Variants in CHST8 observed in about 807,000 individuals in gnomAD.
The protein encoded by CHST8 is carbohydrate sulfotransferase 8, also known as GALNAC-4-ST1.
A neutral mutation model predicts 15.0 loss-of-function variants in CHST8; 10 were observed. The ratio of observed to expected loss-of-function variants is 0.67; its 90% confidence interval spans 0.41 to 1.13. CHST8 has a LOEUF of 1.13. Ranked by LOEUF, CHST8 falls within the 50% of genes most tolerant of loss-of-function variation. The pLI, the probability that CHST8 is intolerant of heterozygous loss-of-function variation, is 0.00. For synonymous variants in CHST8, 259 were observed against 256.6 expected, an observed-to-expected ratio of 1.01 and a Z score of -0.09; for missense variants, 634 against 608.2, an observed-to-expected ratio of 1.04 and a Z score of -0.45.
rs111718183 is a variant in CHST8 at position 33,723,346 on chromosome 19, T to C, written c.130+33955T>C. ...TGCACAGGCACCTAGGAGCATATGT[T>C]TGACCATTTGTGTGTGCACGCGTGT... On this transcript the variant is annotated intron_variant, in intron 3 of 4. Coordinates refer to ENST00000650847, the MANE Select transcript of CHST8 (RefSeq NM_001127895.2). 3.4e-3 allele frequency among the ~76,000 whole-genome samples: 523 copies of C among 152,338 alleles called. 4 individuals are homozygous for C. The highest frequency in any genetic ancestry group is 0.012 in the African/African-American group (506 of 41,586).
rs947271860 is a variant in CHST8, at chr19:33,673,028, G to A, written c.-87+5185G>A. 7.2e-5 allele frequency among the ~76,000 whole-genome samples: 11 copies of A among 152,152 alleles called. No homozygotes were observed. In the East Asian group the frequency reaches 1.5e-3, roughly 21 times the overall value. ...TCCTCAGAAGGGGAGACACTTCCTG[G>A]GTTTGCAATCACCTCCAGTTTATGT... is the stretch of plus-strand genomic sequence containing the variant. On this transcript the variant is annotated intron_variant, in intron 2 of 4. Transcript: ENST00000650847.
intron 3 of CHST8, among the ~76,000 whole-genome samples, chr19:33,762,608 T>A (rs1319450818): frequency 6.6e-6 from 1 of 152,254 alleles, no homozygotes; most frequent in South Asian, 2.1e-4. Flanking sequence ...GGAGCTGCGC[T>A]GCGGGAGATT....
intron 1 of CHST8, among the ~76,000 whole-genome samples, chr19:33,641,901 G>A (rs945785367): frequency 1.7e-4 from 26 of 152,186 alleles, no homozygotes; most frequent in African/African-American, 6.3e-4. Context: ...CTGAAGTCTG[G>A]AGACTAATTC....
At chr19:33,623,392 C>T (rs1972011316) in intron 1 of CHST8, among the ~76,000 whole-genome samples, 1 of 152,212 alleles carries the variant, frequency 6.6e-6, no homozygotes, top group Non-Finnish European at 1.5e-5. Context: ...GCGTCCCGGC[C>T]CCTCTCCATC....
rs181062701 is a variant in CHST8, at chr19:33,644,605, G to A, written c.-164+22309G>A. ...ATTTTTTTTTAATTAGCCAGGCATG[G>A]TGGTGTGCACTTGTAGTCCCAGCAA... On this transcript the variant is annotated intron_variant, in intron 1 of 4. Transcript: ENST00000650847. Among the ~76,000 whole-genome samples, 612 of 152,222 alleles carry A rather than the reference G, an allele frequency of 4.0e-3. 3 individuals carry two copies. The highest frequency in any genetic ancestry group is 0.014 in the African/African-American group (591 of 41,522).
chr19:33,649,090 G>A (rs1026091538), intron 1 of CHST8, among the ~76,000 whole-genome samples: 3 of 151,834 alleles, frequency 2.0e-5, no homozygotes, highest in Admixed American at 1.3e-4. Context: ...TTTTATTAGA[G>A]ACAGGGTTTC....
intron 3 of CHST8, among the ~76,000 whole-genome samples, chr19:33,764,841 C>G (rs756366830): frequency 6.6e-6 from 1 of 151,970 alleles, no homozygotes; most frequent in East Asian, 1.9e-4. Context: ...TCCTTCACCC[C>G]CTTCCCACCC....
chr19:33,765,070 A>ATATATATATATATATG (rs71181381), intron 3 of CHST8, among the ~76,000 whole-genome samples: 18 of 113,200 alleles, frequency 1.6e-4, no homozygotes, highest in South Asian at 1.2e-3. Flanking sequence ...ATATATATAT[A>ATATATATATATATATG]TATCAGAGTT....
At chr19:33,661,485 C>T (rs1972583836) in intron 1 of CHST8, among the ~76,000 whole-genome samples, 1 of 152,186 alleles carries the variant, frequency 6.6e-6, no homozygotes. Flanking sequence ...AGCAAAGCTC[C>T]GCACTCACGG....
chr19:33,751,855 C>A (rs1974427400), intron 3 of CHST8, among the ~76,000 whole-genome samples: 2 of 152,212 alleles, frequency 1.3e-5, no homozygotes. Flanking sequence ...GCCTTTAACA[C>A]CCCTCAGCAT....
chr19:33,642,133 C>T (rs1451626993), intron 1 of CHST8, among the ~76,000 whole-genome samples: 3 of 152,114 alleles, frequency 2.0e-5, no homozygotes, highest in African/African-American at 7.2e-5. Flanking sequence ...GCTCAGCACC[C>T]ACTGACTGTG....
chr19:33,670,752 G>A (rs1026991791), intron 2 of CHST8, among the ~76,000 whole-genome samples: 2 of 152,174 alleles, frequency 1.3e-5, no homozygotes, highest in Admixed American at 6.5e-5. Context: ...CAGGTTGATG[G>A]AATTGTCGGA....
intron 3 of CHST8, among the ~76,000 whole-genome samples, chr19:33,766,318 A>C (rs529032473): frequency 5.3e-4 from 79 of 149,622 alleles, no homozygotes; most frequent in African/African-American, 9.6e-4. Context: ...CTAGCATGCC[A>C]CCCCCCCATT....
chr19:33,742,658 G>T (rs2145342757), intron 3 of CHST8, among the ~76,000 whole-genome samples: 1 of 152,264 alleles, frequency 6.6e-6, no homozygotes, highest in Non-Finnish European at 1.5e-5. Context: ...AGTGGGCAAA[G>T]AACTGTGCCA....
chr19:33,740,066 G>C (rs1974157305), intron 3 of CHST8, among the ~76,000 whole-genome samples: 1 of 152,164 alleles, frequency 6.6e-6, no homozygotes, highest in Non-Finnish European at 1.5e-5. Flanking sequence ...TATTTTGTAA[G>C]TCAATTTGTC....
At chr19:33,635,090 CT>C (rs1472873466) in intron 1 of CHST8, among the ~76,000 whole-genome samples, 2 of 152,216 alleles carry the variant, frequency 1.3e-5, no homozygotes, top group East Asian at 1.9e-4. Flanking sequence ...TAGGAGCCCC[CT>C]GATCCCCCGA....
chr19:33,635,439 T>C (rs1972181625), intron 1 of CHST8, among the ~76,000 whole-genome samples: 1 of 152,060 alleles, frequency 6.6e-6, no homozygotes, highest in Admixed American at 6.6e-5. Flanking sequence ...CTGACTTAGC[T>C]AGCAGGGAGG....
intron 1 of CHST8, among the ~76,000 whole-genome samples, chr19:33,666,826 C>A (rs1972668531): frequency 6.6e-6 from 1 of 152,178 alleles, no homozygotes; most frequent in African/African-American, 2.4e-5. Context: ...TCTCAGCCTC[C>A]CGCGTAGCTG....
chr19:33,747,130 T>C (rs890565155), intron 3 of CHST8, among the ~76,000 whole-genome samples: 2 of 152,172 alleles, frequency 1.3e-5, no homozygotes, highest in African/African-American at 2.4e-5. Context: ...CCTGTAAATA[T>C]GGTGGGCCAG....
Sources: allele counts gnomAD v4.1 joint callset (sites outside exome capture counted in the v4.1 genomes callset), GRCh38; gene constraint gnomAD v4.1.1; transcripts MANE v1.5; gene names NCBI Gene and HGNC (gene_info 2026-07-23, HGNC 2026-07-21).